Variants in ZNF277 observed in about 807,000 individuals in gnomAD.
The protein encoded by ZNF277 is nuclear receptor-interacting factor 4.
A neutral mutation model predicts 60.7 loss-of-function variants in ZNF277; 55 were observed. The observed-to-expected ratio is 0.91, with a 90% CI of 0.73 to 1.13. The LOEUF (loss-of-function observed/expected upper bound fraction) is 1.13, where lower values mean the gene tolerates loss of function less well. Ranked by LOEUF, ZNF277 falls within the 50% of genes most tolerant of loss-of-function variation. The pLI is 0.00. For synonymous variants in ZNF277, 178 were observed against 179.3 expected (o/e 0.99, Z 0.06); for missense variants, 510 against 523.0 (o/e 0.98, Z 0.24).
chr7:112,239,479 C>CA (rs1790892281), intron 1 of ZNF277, among the ~76,000 whole-genome samples: 2 of 152,172 alleles, frequency 1.3e-5, no homozygotes. Context: ...GTGGTGGTGA[C>CA]CACAGGAGTG....
chr7:112,224,937 G>C lies in ZNF277; in HGVS notation c.91+18130G>C, dbSNP rs1157839969. 4.6e-5 allele frequency among the ~76,000 whole-genome samples: 7 copies of C among 152,258 alleles called. No homozygotes were observed. The South Asian group carries it at 1.0e-3, about 23-fold the overall frequency. ...GCAGGAGGAATGCTTGAGGTCAGAAGTTCAAGACCATCTTGGGCAACATGG... is the reference window on the plus strand; with the variant it reads ...GCAGGAGGAATGCTTGAGGTCAGAACTTCAAGACCATCTTGGGCAACATGG... On this transcript the variant is annotated intron_variant, in intron 1 of 11. Coordinates refer to ENST00000361822, the MANE Select transcript of ZNF277 (RefSeq NM_021994.3).
chr7:112,208,274 C>A (rs897909668), intron 1 of ZNF277, among the ~76,000 whole-genome samples: 1 of 152,050 alleles, frequency 6.6e-6, no homozygotes, highest in African/African-American at 2.4e-5. Context: ...ACTCGGGAGG[C>A]CGAGGCAGGA....
chr7:112,217,681 C>T (rs189230703), intron 1 of ZNF277, among the ~76,000 whole-genome samples: 4 of 152,236 alleles, frequency 2.6e-5, no homozygotes, highest in Admixed American at 6.5e-5. Context: ...TCTTGCCTGG[C>T]GAGTAGACTG....
chr7:112,283,613 AG>A (rs1179443010), intron 1 of ZNF277, among the ~76,000 whole-genome samples: 3 of 152,212 alleles, frequency 2.0e-5, no homozygotes, highest in Non-Finnish European at 2.9e-5. Context: ...TTTTGTTTCT[AG>A]ACCTTTGCAG....
At chr7:112,319,435 A>T (rs1792924749) in intron 5 of ZNF277, among the ~76,000 whole-genome samples, 1 of 151,908 alleles carries the variant, frequency 6.6e-6, no homozygotes, top group African/African-American at 2.4e-5. Flanking sequence ...CATTCACTTA[A>T]ATACAAGTTA....
At chr7:112,336,859 C>G (rs4730529) in intron 8 of ZNF277, among the ~76,000 whole-genome samples, 54,376 of 152,048 alleles carry the variant, frequency 0.36, 12,572 homozygotes, top group African/African-American at 0.66. Flanking sequence ...AATATTTAAT[C>G]AGTGAATGTT....
At chr7:112,302,551 A>G (rs1192657591) in intron 4 of ZNF277, among the ~76,000 whole-genome samples, 1 of 152,146 alleles carries the variant, frequency 6.6e-6, no homozygotes, top group Non-Finnish European at 1.5e-5. Flanking sequence ...TAACAGTGCA[A>G]CAGAGATCAA....
intron 1 of ZNF277, among the ~76,000 whole-genome samples, chr7:112,207,210 G>A (rs139677127): frequency 6.6e-6 from 1 of 152,298 alleles, no homozygotes; most frequent in East Asian, 1.9e-4. Context: ...CACTGCCTTG[G>A]TTTGCTTGGT....
chr7:112,267,603 GC>G (rs1210435884), intron 1 of ZNF277, among the ~76,000 whole-genome samples: 8 of 152,144 alleles, frequency 5.3e-5, no homozygotes, highest in African/African-American at 1.9e-4. Flanking sequence ...AGCTTTTGCT[GC>G]CTTTTTTTCT....
chr7:112,209,580 G>T (rs1056708494), intron 1 of ZNF277, among the ~76,000 whole-genome samples: 2 of 152,054 alleles, frequency 1.3e-5, no homozygotes, highest in East Asian at 3.9e-4. Context: ...TCATTGACTT[G>T]TAGCAGTCAA....
intron 1 of ZNF277, among the ~76,000 whole-genome samples, chr7:112,268,470 G>A (rs1027921111): frequency 4.0e-5 from 6 of 151,782 alleles, no homozygotes; most frequent in Non-Finnish European, 7.4e-5. Flanking sequence ...CTTACAATGT[G>A]TTGCTTTTTG....
chr7:112,313,098 A>G (rs1211186987), intron 4 of ZNF277, among the ~76,000 whole-genome samples: 1 of 152,030 alleles, frequency 6.6e-6, no homozygotes. Flanking sequence ...TCAATTCTTA[A>G]TATTTTTTAA....
At chr7:112,307,988 CCTGTTA>C (rs1792639641) in intron 4 of ZNF277, among the ~76,000 whole-genome samples, 1 of 151,834 alleles carries the variant, frequency 6.6e-6, no homozygotes, top group African/African-American at 2.4e-5. Context: ...AATTCTAAAA[CCTGTTA>C]CTATGGCTTG....
intron 1 of ZNF277, among the ~76,000 whole-genome samples, chr7:112,272,496 C>G (rs1037204481): frequency 1.3e-5 from 2 of 151,948 alleles, no homozygotes; most frequent in African/African-American, 2.4e-5. Context: ...TTGTTTGTTT[C>G]TTTGTTTATT....
At chr7:112,287,768 C>T (rs1031036582) in intron 2 of ZNF277, 1 of 152,086 alleles carries the variant, frequency 6.6e-6, no homozygotes, top group Non-Finnish European at 1.5e-5. Flanking sequence ...CTCAGGTGAT[C>T]TGCCCACCTC....
At chr7:112,235,539 T>C (rs535362294) in intron 1 of ZNF277, among the ~76,000 whole-genome samples, 4 of 152,260 alleles carry the variant, frequency 2.6e-5, no homozygotes, top group East Asian at 1.9e-4. Context: ...CATGTTCTTA[T>C]TGACTCTTTG....
chr7:112,318,116 C>A, intron 4 of ZNF277, 66 bp from the exon 5 acceptor site: 1 of 1,374,546 alleles, frequency 7.3e-7, no homozygotes. Context: ...CCCATCCAGA[C>A]TTTGACATTT....
At chr7:112,327,966 G>C (rs765747605) in intron 6 of ZNF277, 139 bp downstream of exon 6, 69 of 626,754 alleles carry the variant, frequency 1.1e-4, no homozygotes, top group Non-Finnish European at 1.5e-4. Flanking sequence ...TTGTACGACA[G>C]TCCTTATTTT....
chr7:112,314,710 C>T (rs1441054354), intron 4 of ZNF277, among the ~76,000 whole-genome samples: 2 of 152,048 alleles, frequency 1.3e-5, no homozygotes, highest in Non-Finnish European at 2.9e-5. Context: ...GTGGGAAGAT[C>T]GCTTGAGCCC....
Sources: gnomAD v4.1 joint callset for allele counts (sites outside exome capture counted in the v4.1 genomes callset) on GRCh38, gnomAD v4.1.1 for gene constraint, MANE v1.5 for transcripts, NCBI Gene and HGNC (gene_info 2026-07-23, HGNC 2026-07-21) for gene names.